Variants in PRSS23 observed in about 807,000 individuals in gnomAD.
PRSS23 encodes the protein serine protease 23.
A neutral mutation model predicts 34.7 loss-of-function variants in PRSS23; 25 were observed. The observed-to-expected ratio is 0.72, with a 90% CI of 0.53 to 1.01. The LOEUF is 1.01. Ranked by LOEUF, PRSS23 falls within the 50% of genes least tolerant of loss-of-function variation. The probability of loss-of-function intolerance (pLI) is 0.00; values close to 1 mark genes in which losing one functional copy is unlikely to be tolerated. For missense variants in PRSS23, 445 were observed against 475.6 expected (o/e 0.94, Z 0.60); for synonymous variants, 176 against 186.6 (o/e 0.94, Z 0.46).
At chr11:86,841,539 A>C (rs1048769322) in intron 2 of PRSS23, among the ~76,000 whole-genome samples, 1 of 152,136 alleles carries the variant, frequency 6.6e-6, no homozygotes, top group African/African-American at 2.4e-5. Flanking sequence ...GACCGCTAGC[A>C]AGACTAATAA....
chr11:86,901,969 A>C (rs1948914431), intron 2 of PRSS23, among the ~76,000 whole-genome samples: 1 of 152,146 alleles, frequency 6.6e-6, no homozygotes, highest in African/African-American at 2.4e-5. Context: ...GTCTCTACTG[A>C]ACCAGGCATG....
intron 2 of PRSS23, among the ~76,000 whole-genome samples, chr11:86,872,301 T>C (rs1453075071): frequency 2.6e-5 from 4 of 152,178 alleles, no homozygotes; most frequent in Non-Finnish European, 5.9e-5. Flanking sequence ...ATGTATAAAA[T>C]ACAGAAACTA....
chr11:86,920,366 A>T (rs1445605608), intron 2 of PRSS23, among the ~76,000 whole-genome samples: 3 of 152,226 alleles, frequency 2.0e-5, no homozygotes, highest in Non-Finnish European at 4.4e-5. Context: ...CTGTGCCAGT[A>T]GTCCGAACTT....
chr11:86,939,431 T>TTTTTAAAAATATATATATATATATA (rs1555084022), intron 2 of PRSS23, among the ~76,000 whole-genome samples: 1 of 141,752 alleles, frequency 7.1e-6, no homozygotes, highest in Admixed American at 7.0e-5. Context: ...TATATATTTT[T>TTTTTAAAAATATATATATATATATA]TAACATGAGT....
At chr11:86,918,371 A>T (rs10792881) in intron 2 of PRSS23, among the ~76,000 whole-genome samples, 93,862 of 151,960 alleles carry the variant, frequency 0.62, 29,683 homozygotes, top group Non-Finnish European at 0.7. Flanking sequence ...AGATGTATTC[A>T]TATATTGTTT....
In PRSS23 at chr11:86,878,965, TCTAGGAAGTGAGGA is replaced by T. The variant is rs1445406005; in HGVS notation, c.206+55373_206+55386del. On this transcript the variant is annotated intron_variant, in intron 2 of 2. Transcript: ENST00000533902. ...GCGTCTCTGCCCGGCCGCCATCCCG[TCTAGGAAGTGAGGA>T]GCGTCTCTGCCCGGCCGCCATCCCG... 4.0e-3 allele frequency among the ~76,000 whole-genome samples: 495 copies of T among 123,022 alleles called. 9 individuals are homozygous for T. The highest frequency in any genetic ancestry group is 0.012 in the Middle Eastern group (2 of 166). 80.7% of individuals were successfully genotyped at this position (123,022 alleles called of 152,430 possible). A position where few individuals can be genotyped will look rare whatever the true frequency, so the allele number is the denominator to read the frequency against.
chr11:86,943,617 C>G (rs1477028487), intron 2 of PRSS23, among the ~76,000 whole-genome samples: 2 of 114,906 alleles, frequency 1.7e-5, no homozygotes, highest in African/African-American at 5.9e-5. Context: ...GAGCAAGACT[C>G]CATCTCAAAA....
At position 86,809,818 on chromosome 11, in the gene PRSS23, T is replaced by G. The variant is rs898773827; in HGVS notation, c.*1023T>G. ...TGTCACAACAGAATAACCACTTGTTTGGAGCCTGGCACAGTCCTCCAGCCT... is the reference window on the plus strand; with the variant it reads ...TGTCACAACAGAATAACCACTTGTTGGGAGCCTGGCACAGTCCTCCAGCCT... On this transcript the variant is annotated 3_prime_UTR_variant, in exon 2 of 2. Coordinates refer to ENST00000280258, the MANE Select transcript of PRSS23 (RefSeq NM_007173.6). The G allele has an allele frequency of 1.2e-5, 2 of 167,042 alleles. No individual in the cohort carries two copies. Among genetic ancestry groups the G allele is most frequent in the Non-Finnish European group, 2.9e-5 (2 of 68,118 alleles). 10.3% of individuals were successfully genotyped at this position (167,042 alleles called of 1,614,324 possible). A position where few individuals can be genotyped will look rare whatever the true frequency, so the allele number is the denominator to read the frequency against.
At position 86,805,040 on chromosome 11, in the gene PRSS23, C is replaced by A. The variant is rs1032630731; in HGVS notation, c.-13-2591C>A. Reference sequence around the variant, plus strand: ...GAAGTAAAACTTGGCTTACCATGTGCTCAATGTAAGTCACATTAACATTCC... The same window carrying A: ...GAAGTAAAACTTGGCTTACCATGTGATCAATGTAAGTCACATTAACATTCC... On this transcript the variant is annotated intron_variant, in intron 1 of 1. Coordinates refer to ENST00000280258, the MANE Select transcript of PRSS23 (RefSeq NM_007173.6). Among the ~76,000 whole-genome samples, 17 of 152,254 alleles carry A rather than the reference C, an allele frequency of 1.1e-4. No homozygotes were observed. In the East Asian group the frequency reaches 2.3e-3, roughly 21 times the overall value.
At chr11:86,905,346 TGAAA>T (rs2134987741) in intron 2 of PRSS23, among the ~76,000 whole-genome samples, 1 of 152,286 alleles carries the variant, frequency 6.6e-6, no homozygotes, top group Non-Finnish European at 1.5e-5. Context: ...ATAAAGCATG[TGAAA>T]GCCCAGGACA....
intron 2 of PRSS23, among the ~76,000 whole-genome samples, chr11:86,861,155 G>T (rs575520797): frequency 2.6e-5 from 4 of 151,486 alleles, no homozygotes; most frequent in Non-Finnish European, 2.9e-5. Context: ...TATCCAGGGG[G>T]AGAGGAAGGT....
intron 2 of PRSS23, among the ~76,000 whole-genome samples, chr11:86,830,150 C>A (rs771097931): frequency 6.6e-6 from 1 of 152,192 alleles, no homozygotes; most frequent in Non-Finnish European, 1.5e-5. Flanking sequence ...CCACCCAGCT[C>A]GAGCTTCCCA....
chr11:86,874,904 G>T (rs145024178), intron 2 of PRSS23, among the ~76,000 whole-genome samples: 93 of 152,302 alleles, frequency 6.1e-4, no homozygotes, highest in African/African-American at 2.1e-3. Flanking sequence ...GGACTTGAGG[G>T]CTGTGCTCAG....
chr11:86,946,125 G>C (rs1165512997), intron 2 of PRSS23: 1 of 152,348 alleles, frequency 6.6e-6, no homozygotes, highest in African/African-American at 2.4e-5. Context: ...ACAAAATTCA[G>C]AAACACCTCC....
intron 2 of PRSS23, among the ~76,000 whole-genome samples, chr11:86,926,161 G>A (rs1159066093): frequency 6.6e-6 from 1 of 152,084 alleles, no homozygotes; most frequent in Non-Finnish European, 1.5e-5. Flanking sequence ...TCAGGAGTTC[G>A]AAACCAGCCT....
chr11:86,916,069 CA>C (rs1487501879), intron 2 of PRSS23, among the ~76,000 whole-genome samples: 1 of 151,930 alleles, frequency 6.6e-6, no homozygotes, highest in Non-Finnish European at 1.5e-5. Context: ...CAAAACAAAA[CA>C]AAACAAAGTG....
chr11:86,853,214 T>C (rs1376414458), intron 2 of PRSS23, among the ~76,000 whole-genome samples: 1 of 149,170 alleles, frequency 6.7e-6, no homozygotes, highest in African/African-American at 2.5e-5. Flanking sequence ...GGTTCATCCA[T>C]GTTGCAGCCT....
chr11:86,903,155 C>A (rs1467032306), intron 2 of PRSS23, among the ~76,000 whole-genome samples: 1 of 151,896 alleles, frequency 6.6e-6, no homozygotes, highest in African/African-American at 2.4e-5. Context: ...TTTTTCTTTC[C>A]CCTCCCCACT....
intron 2 of PRSS23, chr11:86,837,351 C>T (rs1300374426): frequency 6.6e-6 from 1 of 152,208 alleles, no homozygotes; most frequent in East Asian, 1.9e-4. Flanking sequence ...TTTCCAGATG[C>T]CAGTTATGTT....
Sources: gnomAD v4.1 joint callset for allele counts (sites outside exome capture counted in the v4.1 genomes callset) on GRCh38, gnomAD v4.1.1 for gene constraint, MANE v1.5 for transcripts, NCBI Gene and HGNC (gene_info 2026-07-23, HGNC 2026-07-21) for gene names.